Variants in RBFOX2 observed in about 807,000 individuals in gnomAD.
RBFOX2 encodes the protein RNA binding fox-1 homolog 2, also known as RNA binding protein fox-1 homolog 2.
In RBFOX2, 10 loss-of-function variants were observed where a neutral mutation model predicts 49.1. That is an observed-to-expected ratio of 0.20 (90% CI 0.13 to 0.35). The LOEUF is 0.35. RBFOX2 is among the 10% of genes least tolerant of loss of function. The pLI, the probability that RBFOX2 is intolerant of heterozygous loss-of-function variation, is 1.00. For missense variants in RBFOX2, 323 were observed against 486.9 expected (o/e 0.66, Z 3.17); for synonymous variants, 183 against 187.4 (o/e 0.98, Z 0.19).
intron 2 of RBFOX2, among the ~76,000 whole-genome samples, chr22:35,786,085 A>G (rs1946332453): frequency 6.6e-6 from 1 of 152,228 alleles, no homozygotes; most frequent in South Asian, 2.1e-4. Context: ...CACAAACTCC[A>G]AATTACACTT....
intron 1 of RBFOX2, among the ~76,000 whole-genome samples, chr22:35,934,981 C>A (rs1056259697): frequency 6.6e-6 from 1 of 152,146 alleles, no homozygotes; most frequent in African/African-American, 2.4e-5. Flanking sequence ...GTCACCCAGG[C>A]TGGAGCGCAG....
chr22:35,850,095 A>G (rs2041732065), intron 1 of RBFOX2, among the ~76,000 whole-genome samples: 1 of 152,042 alleles, frequency 6.6e-6, no homozygotes. Context: ...AATCCAGGAC[A>G]CAGAAAGGCA....
At chr22:36,009,916 C>A (rs1239676956) in intron 1 of RBFOX2, among the ~76,000 whole-genome samples, 1 of 152,180 alleles carries the variant, frequency 6.6e-6, no homozygotes, top group Non-Finnish European at 1.5e-5. Context: ...TAAGAAAATA[C>A]CATTTCCACT....
At chr22:35,891,723 T>C (rs1038869597) in intron 1 of RBFOX2, among the ~76,000 whole-genome samples, 1 of 152,128 alleles carries the variant, frequency 6.6e-6, no homozygotes, top group African/African-American at 2.4e-5. Flanking sequence ...ATAAATTACA[T>C]AATCATCAAA....
At chr22:35,776,011 C>T (rs1943842146) in intron 4 of RBFOX2, among the ~76,000 whole-genome samples, 1 of 152,070 alleles carries the variant, frequency 6.6e-6, no homozygotes, top group Admixed American at 6.5e-5. Context: ...CCTGATGAAA[C>T]TACATTGGCC....
At chr22:35,875,610 GTGTGTGTGTGTGTGTGTGT>G (rs2044955960) in intron 1 of RBFOX2, among the ~76,000 whole-genome samples, 1 of 14,838 alleles carries the variant, frequency 6.7e-5, no homozygotes, top group Non-Finnish European at 1.6e-4. Flanking sequence ...TCACAAGGGT[GTGTGTGTGTGTGTGTGTGT>G]GTGTGTGTGT....
intron 6 of RBFOX2, among the ~76,000 whole-genome samples, chr22:35,763,794 C>A (rs1165501542): frequency 1.3e-5 from 2 of 152,066 alleles, no homozygotes; most frequent in Non-Finnish European, 2.9e-5. Context: ...TCAATAATTT[C>A]TTAAAAAATC....
At chr22:35,955,932 T>C (rs1310253172) in intron 1 of RBFOX2, among the ~76,000 whole-genome samples, 4 of 152,224 alleles carry the variant, frequency 2.6e-5, no homozygotes, top group Admixed American at 2.0e-4. Context: ...GGTATTTTAA[T>C]AGCCTTTTCG....
At chr22:35,886,463 G>C (rs2046591084) in intron 1 of RBFOX2, among the ~76,000 whole-genome samples, 1 of 152,170 alleles carries the variant, frequency 6.6e-6, no homozygotes, top group African/African-American at 2.4e-5. Flanking sequence ...CACATCCTGT[G>C]AAATGTGTTG....
intron 1 of RBFOX2, 136 bp downstream of exon 1, chr22:36,028,104 C>G: frequency 1.6e-6 from 2 of 1,287,880 alleles, no homozygotes; most frequent in Non-Finnish European, 2.0e-6. Context: ...ACCTTCCAAC[C>G]AGGCCCCGAA....
intron 1 of RBFOX2, among the ~76,000 whole-genome samples, chr22:35,819,446 A>C (rs561141961): frequency 6.6e-6 from 1 of 152,208 alleles, no homozygotes; most frequent in East Asian, 1.9e-4. Context: ...ATTTTAACTT[A>C]ACCTCAACCT....
chr22:35,850,410 G>T (rs972777730), intron 1 of RBFOX2, among the ~76,000 whole-genome samples: 1 of 152,088 alleles, frequency 6.6e-6, no homozygotes, highest in African/African-American at 2.4e-5. Context: ...TTTAACAGAG[G>T]TTAGGACAGC....
intron 8 of RBFOX2, among the ~76,000 whole-genome samples, chr22:35,760,398 C>G (rs1225033222): frequency 6.6e-6 from 1 of 152,190 alleles, no homozygotes; most frequent in South Asian, 2.1e-4. Context: ...CAGATTGACA[C>G]AAACTCTTCA....
intron 1 of RBFOX2, among the ~76,000 whole-genome samples, chr22:35,838,402 G>A (rs543925366): frequency 1.4e-4 from 22 of 152,116 alleles, no homozygotes; most frequent in South Asian, 6.2e-4. Context: ...TGGGCATTTT[G>A]TTTATGAGCA....
At chr22:35,965,421 T>G (rs1354878149), upstream of RBFOX2, among the ~76,000 whole-genome samples, 1 of 152,124 alleles carries the variant, frequency 6.6e-6, no homozygotes, top group African/African-American at 2.4e-5. Flanking sequence ...AAAATTAATA[T>G]TATGGAGATT....
Position 35,765,413 on chromosome 22 carries a change from A to G in RBFOX2, c.607+10T>C. 6.7e-7 allele frequency: 1 copy of G among 1,498,220 alleles called. No individual in the cohort carries two copies. Among genetic ancestry groups the G allele is most frequent in the South Asian group, 1.2e-5 (1 of 84,384 alleles). 92.8% of individuals were successfully genotyped at this position (1,498,220 alleles called of 1,614,324 possible). ...GAATAAACACTCTTTCGAAGATTAT[A>G]ATTTCTTACCATTTGCATATGGTGT... On this transcript the variant is annotated intron_variant, in intron 6 of 11. Transcript: ENST00000405409.
At chr22:35,795,594 G>T (rs1345786787) in intron 2 of RBFOX2, among the ~76,000 whole-genome samples, 1 of 142,914 alleles carries the variant, frequency 7.0e-6, no homozygotes, top group African/African-American at 2.6e-5. Context: ...AAGAAAAATT[G>T]GCTTAAACTC....
chr22:35,937,029 T>A (rs2053154334), intron 1 of RBFOX2, among the ~76,000 whole-genome samples: 1 of 152,174 alleles, frequency 6.6e-6, no homozygotes, highest in African/African-American at 2.4e-5. Context: ...ATGTCCTAAG[T>A]GAAAAGTACA....
intron 1 of RBFOX2, among the ~76,000 whole-genome samples, chr22:36,012,117 A>G (rs1456646503): frequency 6.6e-6 from 1 of 152,256 alleles, no homozygotes; most frequent in Non-Finnish European, 1.5e-5. Context: ...ACTATCATGC[A>G]TACCACAACT....
Sources: gnomAD v4.1 joint callset for allele counts (sites outside exome capture counted in the v4.1 genomes callset) on GRCh38, gnomAD v4.1.1 for gene constraint, MANE v1.5 for transcripts, NCBI Gene and HGNC (gene_info 2026-07-23, HGNC 2026-07-21) for gene names.